The following PTPN13 variants were observed in gnomAD, a reference collection of about 807,000 sequenced individuals.
PTPN13 encodes tyrosine-protein phosphatase non-receptor type 13.
In PTPN13, 191 loss-of-function variants were observed where a neutral mutation model predicts 284.0. That is an observed-to-expected ratio of 0.67 (90% CI 0.60 to 0.76). The LOEUF is 0.76. Ranked by LOEUF, PTPN13 falls within the 30% of genes least tolerant of loss-of-function variation. The probability of loss-of-function intolerance (pLI) is 0.00; values close to 1 mark genes in which losing one functional copy is unlikely to be tolerated. For missense variants in PTPN13, 2,797 were observed against 2,939.9 expected (o/e 0.95, Z 1.12); for synonymous variants, 986 against 1,022.3 (o/e 0.96, Z 0.68).
At chr4:86,812,479 G>GT (rs1365198981) in intron 47 of PTPN13, among the ~76,000 whole-genome samples, 3 of 152,178 alleles carry the variant, frequency 2.0e-5, no homozygotes, top group Non-Finnish European at 4.4e-5. Context: ...CCTGAAAGTG[G>GT]TAAGTGCTTT....
chr4:86,775,012 A>G (rs1320654261), intron 33 of PTPN13, among the ~76,000 whole-genome samples, 159 bp from the exon 34 acceptor site: 2 of 152,134 alleles, frequency 1.3e-5, no homozygotes, highest in Non-Finnish European at 2.9e-5. Context: ...TATGATTTCC[A>G]TAATAAAGGG....
At chr4:86,746,107 A>G (rs1379576264) in intron 17 of PTPN13, among the ~76,000 whole-genome samples, 1 of 152,192 alleles carries the variant, frequency 6.6e-6, no homozygotes, top group Non-Finnish European at 1.5e-5. Context: ...ATGAATAATC[A>G]TAGTACCCAA....
intron 40 of PTPN13, among the ~76,000 whole-genome samples, chr4:86,793,317 A>G (rs961165295): frequency 2.0e-5 from 3 of 152,216 alleles, no homozygotes; most frequent in Admixed American, 6.5e-5. Context: ...TCCTAAATAT[A>G]TGTGCACCCA....
chr4:86,693,784 A>C lies in PTPN13; in HGVS notation c.634+110A>C, dbSNP rs1578428956. The C allele has an allele frequency of 4.6e-6, 3 of 653,596 alleles. No individual in the cohort carries two copies. The East Asian group carries it at 8.6e-5, about 19-fold the overall frequency. The allele number at this position is 653,596 out of a possible 1,614,324, so 40.5% of individuals were successfully genotyped here. ...ATCTGGTAATTGAGACTATGATTAG[A>C]ACGTAAACGTACAAACTGGAGGTAG... is the stretch of plus-strand genomic sequence containing the variant. On this transcript the variant is annotated intron_variant, in intron 6 of 47. Coordinates refer to ENST00000411767, the MANE Select transcript of PTPN13 (RefSeq NM_080683.3).
At chr4:86,799,068 A>G (rs919721370) in intron 41 of PTPN13, 33 bp from the exon 42 acceptor site, 5 of 1,314,402 alleles carry the variant, frequency 3.8e-6, no homozygotes, top group Non-Finnish European at 5.3e-6. Flanking sequence ...ACAAAAATGA[A>G]GAAAATGTTT....
chr4:86,669,234 A>G (rs1367200749), intron 2 of PTPN13, among the ~76,000 whole-genome samples: 3 of 147,514 alleles, frequency 2.0e-5, no homozygotes, highest in South Asian at 2.2e-4. Flanking sequence ...TATCTCCCCA[A>G]TAATACTTTA....
In PTPN13 at chr4:86,701,543, T is replaced by G. The variant is rs772903602; in HGVS notation, c.937T>G (p.Phe313Val). The change falls in exon 7 of 48, where the codon TTC becomes GTC. Residue 313 changes from phenylalanine (F) to valine (V), a missense_variant. Phe to Val is a conservative substitution (Grantham distance 50, BLOSUM62 -1). Coordinates refer to ENST00000411767, the MANE Select transcript of PTPN13 (RefSeq NM_080683.3). Reference protein sequence around the residue: ...MDLLCTADRDFSSGETATYRR... With the variant: ...MDLLCTADRDVSSGETATYRR... ...CTTGCTTTGTACAGCTGACAGAGAC[T>G]TCTCTTCAGGAGAGACTGCCACATA... 6.2e-6 allele frequency: 10 copies of G among 1,613,956 alleles called. No individual in the cohort carries two copies. Among genetic ancestry groups the G allele is most frequent in the Non-Finnish European group, 8.5e-6 (10 of 1,179,844 alleles).
chr4:86,733,474 A>G (rs956914714), intron 12 of PTPN13, among the ~76,000 whole-genome samples: 1 of 152,296 alleles, frequency 6.6e-6, no homozygotes, highest in African/African-American at 2.4e-5. Flanking sequence ...GACAGGTTAA[A>G]GGATCCTAAA....
At chr4:86,629,695 G>T (rs1411667480) in intron 1 of PTPN13, among the ~76,000 whole-genome samples, 1 of 152,022 alleles carries the variant, frequency 6.6e-6, no homozygotes, top group Non-Finnish European at 1.5e-5. Context: ...CTTATTGTGT[G>T]CAGAAAAGCT....
chr4:86,758,293 C>CA lies in PTPN13; in HGVS notation c.3258dup (p.Pro1087ThrfsTer47), dbSNP rs1169452951. 1.1e-5 allele frequency: 17 copies of CA among 1,611,578 alleles called. No individual in the cohort carries two copies. Among genetic ancestry groups the CA allele is most frequent in the Non-Finnish European group, 1.3e-5 (15 of 1,178,462 alleles). On this transcript the variant is annotated frameshift_variant, in exon 21 of 48. Transcript: ENST00000411767. LOFTEE classifies it high-confidence loss of function. Reference sequence around the variant, plus strand: ...CACAAAAGATGGAGCATAGTATCTTCACCAGAAAGGGAGATCACCTTAGTG... The same window carrying CA: ...CACAAAAGATGGAGCATAGTATCTTCAACCAGAAAGGGAGATCACCTTAGTG...
intron 1 of PTPN13, among the ~76,000 whole-genome samples, chr4:86,610,303 A>C (rs1256989407): frequency 6.6e-6 from 1 of 152,214 alleles, no homozygotes; most frequent in Non-Finnish European, 1.5e-5. Flanking sequence ...ACAGCTTCCT[A>C]CTATTGGTAG....
intron 1 of PTPN13, among the ~76,000 whole-genome samples, chr4:86,595,131 T>C (rs1173309136): frequency 2.0e-5 from 3 of 152,192 alleles, no homozygotes; most frequent in Non-Finnish European, 2.9e-5. Flanking sequence ...TGCCCCGTCG[T>C]GCTTGCACAG....
At position 86,796,858 on chromosome 4, in the gene PTPN13, T is replaced by A; in HGVS notation, c.6346-16T>A. 1 of 1,448,010 alleles carries A rather than the reference T, an allele frequency of 6.9e-7. No homozygotes were observed. The highest frequency in any genetic ancestry group is 1.3e-5 in the South Asian group (1 of 79,280). 89.7% of individuals were successfully genotyped at this position (1,448,010 alleles called of 1,614,324 possible). A position where few individuals can be genotyped will look rare whatever the true frequency, so the allele number is the denominator to read the frequency against. ...TTACAATGGGCTGATTTGATTCTTA[T>A]ATATTTTTATTGTAGGCCACCAAAA... On this transcript the variant is annotated splice_polypyrimidine_tract_variant and intron_variant, in intron 40 of 47. Coordinates refer to ENST00000411767, the MANE Select transcript of PTPN13 (RefSeq NM_080683.3).
chr4:86,814,000 CTTTTTTTT>C (rs535405150), intron 47 of PTPN13, among the ~76,000 whole-genome samples: 1 of 100,044 alleles, frequency 1.0e-5, no homozygotes, highest in Non-Finnish European at 2.0e-5. Flanking sequence ...TACCCTGCTT[CTTTTTTTT>C]TTTTTTTTTT....
At chr4:86,674,368 A>G (rs1728046020) in intron 3 of PTPN13, among the ~76,000 whole-genome samples, 1 of 152,222 alleles carries the variant, frequency 6.6e-6, no homozygotes, top group Non-Finnish European at 1.5e-5. Context: ...TCAAAAATAC[A>G]TACATGTTAA....
chr4:86,749,015 T>C (rs1737098440), intron 17 of PTPN13, among the ~76,000 whole-genome samples: 1 of 152,172 alleles, frequency 6.6e-6, no homozygotes, highest in African/African-American at 2.4e-5. Context: ...TAAGGTCTTG[T>C]TATAACTTGG....
At chr4:86,713,240 C>T (rs992523515) in intron 7 of PTPN13, among the ~76,000 whole-genome samples, 3 of 151,892 alleles carry the variant, frequency 2.0e-5, no homozygotes, top group Admixed American at 6.6e-5. Flanking sequence ...GTTGCAATTC[C>T]GGGTTTGCAA....
chr4:86,726,238 G>T lies in PTPN13; in HGVS notation c.1608+3804G>T, dbSNP rs1250200822. Among the ~76,000 whole-genome samples, 2 of 149,642 alleles carry T rather than the reference G, an allele frequency of 1.3e-5. 1 individual carries two copies. The highest frequency in any genetic ancestry group is 3.0e-5 in the Non-Finnish European group (2 of 66,658). ...TTACTGTAGACTTGTAGTATAGTTT[G>T]AAGTCAGGTAGCATGATGCCTCCAG... is the stretch of plus-strand genomic sequence containing the variant. On this transcript the variant is annotated intron_variant, in intron 10 of 47. Coordinates refer to ENST00000411767, the MANE Select transcript of PTPN13 (RefSeq NM_080683.3).
At chr4:86,674,187 G>A (rs934947259) in intron 3 of PTPN13, among the ~76,000 whole-genome samples, 5 of 152,152 alleles carry the variant, frequency 3.3e-5, no homozygotes, top group Non-Finnish European at 5.9e-5. Flanking sequence ...CATATATATT[G>A]TGTTTTATAG....
Sources: gnomAD v4.1 joint callset for allele counts (sites outside exome capture counted in the v4.1 genomes callset) on GRCh38, gnomAD v4.1.1 for gene constraint, MANE v1.5 for transcripts, NCBI Gene and HGNC (gene_info 2026-07-23, HGNC 2026-07-21) for gene names.